Variants in RBMS3 observed in about 807,000 individuals in gnomAD.
RBMS3 encodes RNA binding motif single stranded interacting protein 3.
Under a neutral mutation model 66.8 loss-of-function variants are expected in RBMS3, and 27 were observed. The observed-to-expected ratio is 0.40, with a 90% confidence interval of 0.30 to 0.56. RBMS3 has a LOEUF of 0.56. RBMS3 is among the 20% of genes least tolerant of loss of function. The pLI is 0.40. For missense variants in RBMS3, 513 were observed against 549.5 expected (o/e 0.93, Z 0.66); for synonymous variants, 188 against 183.0 (o/e 1.03, Z -0.22).
chr3:30,003,711 C>T, intron 14 of RBMS3, 145 bp from the exon 15 acceptor site: 3 of 480,524 alleles, frequency 6.2e-6, no homozygotes, highest in Non-Finnish European at 3.5e-6. Flanking sequence ...ATCTCATAGA[C>T]TCAGTATGAT....
Position 29,281,098 on chromosome 3 carries a change from A to G in RBMS3, c.-584A>G, listed in dbSNP as rs886631407. ...GTCACTCTGGGAGGGAGACAGCAGCAACTAAGCTGTACAAGGTTTTTTTTT... is the reference window on the plus strand; with the variant it reads ...GTCACTCTGGGAGGGAGACAGCAGCGACTAAGCTGTACAAGGTTTTTTTTT... On this transcript the variant is annotated 5_prime_UTR_variant, in exon 1 of 15. Transcript: ENST00000383767. The G allele has an allele frequency of 6.8e-6, 1 of 146,058 alleles. No individual in the cohort carries two copies. The highest frequency in any genetic ancestry group is 1.5e-5 in the Non-Finnish European group (1 of 66,856). 9.0% of individuals were successfully genotyped at this position (146,058 alleles called of 1,614,324 possible).
At chr3:29,354,573 G>GCA (rs1439302231) in intron 1 of RBMS3, among the ~76,000 whole-genome samples, 1 of 150,856 alleles carries the variant, frequency 6.6e-6, no homozygotes. Context: ...GTGCACGTGC[G>GCA]CACACACACA....
At chr3:29,532,143 C>G (rs2045373763) in intron 3 of RBMS3, among the ~76,000 whole-genome samples, 1 of 150,214 alleles carries the variant, frequency 6.7e-6, no homozygotes, top group Non-Finnish European at 1.5e-5. Flanking sequence ...CTGTTTAGGT[C>G]TTCTATCTTT....
At position 29,825,140 on chromosome 3, in the gene RBMS3, A is replaced by G. The variant is rs796510908; in HGVS notation, c.638-43718A>G. Among the ~76,000 whole-genome samples the G allele has an allele frequency of 4.0e-5, 6 of 151,838 alleles. 1 individual carries two copies. The highest frequency in any genetic ancestry group is 1.4e-4 in the African/African-American group (6 of 41,380). On this transcript the variant is annotated intron_variant, in intron 6 of 14. Coordinates refer to ENST00000383767, the MANE Select transcript of RBMS3 (RefSeq NM_001003793.3). ...AACCTCTACCTCGCAGCTTCAAGCA[A>G]TTCTCCTGCCTCAGCCTCCCAAGTA... is the stretch of plus-strand genomic sequence containing the variant.
At chr3:29,883,741 T>C (rs981499922) in intron 7 of RBMS3, among the ~76,000 whole-genome samples, 6 of 152,018 alleles carry the variant, frequency 3.9e-5, no homozygotes, top group Admixed American at 2.0e-4. Context: ...TTTTTAAACA[T>C]TTTCTTCTTT....
chr3:29,619,653 T>G (rs2048800136), intron 4 of RBMS3, among the ~76,000 whole-genome samples: 1 of 152,188 alleles, frequency 6.6e-6, no homozygotes, highest in Non-Finnish European at 1.5e-5. Context: ...CTGATTAACC[T>G]CTGCCAGTTA....
At chr3:29,496,474 C>G (rs2043758592) in intron 3 of RBMS3, among the ~76,000 whole-genome samples, 1 of 152,144 alleles carries the variant, frequency 6.6e-6, no homozygotes, top group South Asian at 2.1e-4. Context: ...ATCAAGTTTA[C>G]TCAGAATTGT....
At chr3:29,287,503 T>C (rs1175459186) in intron 1 of RBMS3, among the ~76,000 whole-genome samples, 1 of 152,058 alleles carries the variant, frequency 6.6e-6, no homozygotes, top group South Asian at 2.1e-4. Flanking sequence ...ATATTGCTTT[T>C]TAAAGATATT....
intron 4 of RBMS3, among the ~76,000 whole-genome samples, chr3:29,735,807 C>T (rs187473472): frequency 1.3e-5 from 2 of 152,264 alleles, no homozygotes; most frequent in African/African-American, 4.8e-5. Flanking sequence ...CTATTTCTAG[C>T]CTGTTCCTCT....
intron 10 of RBMS3, among the ~76,000 whole-genome samples, chr3:29,927,781 G>A (rs913099448): frequency 2.6e-5 from 4 of 152,224 alleles, no homozygotes; most frequent in East Asian, 1.9e-4. Flanking sequence ...TGTGATCCTC[G>A]TAGATTATGT....
chr3:29,711,368 A>G (rs902143997), intron 4 of RBMS3, among the ~76,000 whole-genome samples: 1 of 152,110 alleles, frequency 6.6e-6, no homozygotes, highest in African/African-American at 2.4e-5. Flanking sequence ...TTTTCTCCAT[A>G]TTCGTTGGCT....
At chr3:29,793,448 T>C (rs561034178) in intron 6 of RBMS3, among the ~76,000 whole-genome samples, 1 of 152,262 alleles carries the variant, frequency 6.6e-6, no homozygotes, top group Non-Finnish European at 1.5e-5. Context: ...CAGTGAATAA[T>C]AAAAAAGCAT....
chr3:29,840,223 A>T (rs997022568), intron 6 of RBMS3, among the ~76,000 whole-genome samples: 2 of 152,030 alleles, frequency 1.3e-5, no homozygotes, highest in Non-Finnish European at 2.9e-5. Flanking sequence ...AACACCAAAA[A>T]CTTTTTGTTT....
chr3:29,700,794 T>TA (rs970497144), intron 4 of RBMS3, among the ~76,000 whole-genome samples: 10 of 151,728 alleles, frequency 6.6e-5, no homozygotes, highest in African/African-American at 1.5e-4. Context: ...TAGAGGAATT[T>TA]AAAAAAAGAG....
At chr3:29,764,822 A>T (rs2055854505) in intron 6 of RBMS3, among the ~76,000 whole-genome samples, 1 of 152,010 alleles carries the variant, frequency 6.6e-6, no homozygotes, top group Non-Finnish European at 1.5e-5. Flanking sequence ...ATATTAACCT[A>T]TCTAATATCA....
chr3:29,897,545 G>C, intron 9 of RBMS3, 70 bp downstream of exon 9: 3 of 1,406,434 alleles, frequency 2.1e-6, no homozygotes, highest in Non-Finnish European at 3.0e-6. Flanking sequence ...AGGCAAAAAG[G>C]ACACAGTAGA....
chr3:29,665,027 G>A lies in RBMS3; in HGVS notation c.400-74693G>A, dbSNP rs2050699162. 2.6e-5 allele frequency among the ~76,000 whole-genome samples: 4 copies of A among 152,242 alleles called. No individual in the cohort carries two copies. The South Asian group carries it at 8.3e-4, about 32-fold the overall frequency. ...AATAGAAGAACTTATGAAGAATAAT[G>A]TTTAGTGAAAATAACATTCTAGCTT... On this transcript the variant is annotated intron_variant, in intron 4 of 14. Coordinates refer to ENST00000383767, the MANE Select transcript of RBMS3 (RefSeq NM_001003793.3).
At chr3:29,929,257 G>T (rs1900903) in intron 10 of RBMS3, among the ~76,000 whole-genome samples, 34,620 of 152,014 alleles carry the variant, frequency 0.23, 4,226 homozygotes, top group East Asian at 0.47. Context: ...AAGCCACTTT[G>T]CTCTATTAGG....
chr3:29,522,548 C>G (rs1389397974), intron 3 of RBMS3, among the ~76,000 whole-genome samples: 1 of 152,044 alleles, frequency 6.6e-6, no homozygotes, highest in Admixed American at 6.6e-5. Context: ...GAAGCTGCTA[C>G]CAATCCTAGG....
Sources: gnomAD v4.1 joint callset for allele counts (sites outside exome capture counted in the v4.1 genomes callset) on GRCh38, gnomAD v4.1.1 for gene constraint, MANE v1.5 for transcripts, NCBI Gene and HGNC (gene_info 2026-07-23, HGNC 2026-07-21) for gene names.